The following TMEM87B variants were observed in gnomAD, a reference collection of about 807,000 sequenced individuals.
The protein encoded by TMEM87B is transmembrane protein 87B.
A neutral mutation model predicts 80.3 loss-of-function variants in TMEM87B; 83 were observed. That is an observed-to-expected ratio of 1.03 (90% CI 0.87 to 1.24). TMEM87B has a LOEUF of 1.24. TMEM87B is among the 50% of genes most tolerant of loss of function. The pLI is 0.00. For synonymous variants in TMEM87B, 219 were observed against 230.5 expected (o/e 0.95, Z 0.45); for missense variants, 625 against 674.4 (o/e 0.93, Z 0.81).
In TMEM87B at chr2:112,097,034, C is replaced by CT. The variant is rs1291833789; in HGVS notation, c.1105-4dup. 32 of 1,525,470 alleles carry CT rather than the reference C, an allele frequency of 2.1e-5. No homozygotes were observed. Among genetic ancestry groups the CT allele is most frequent in the Non-Finnish European group, 2.6e-5 (29 of 1,122,246 alleles). The allele number at this position is 1,525,470 out of a possible 1,614,324, so 94.5% of individuals were successfully genotyped here. A position where few individuals can be genotyped will look rare whatever the true frequency, so the allele number is the denominator to read the frequency against. ...TATTACTTGGAATGTTTTTCCTTAA[C>CT]TTTTTTCACATTTTTATTAGTTTGG... On this transcript the variant is annotated splice_polypyrimidine_tract_variant and intron_variant, in intron 11 of 18. Coordinates refer to ENST00000283206, the MANE Select transcript of TMEM87B (RefSeq NM_032824.3).
chr2:112,055,681 C>G lies in TMEM87B; in HGVS notation c.90C>G (p.Leu30=). The change falls in exon 1 of 19, where the codon CTC becomes CTG. Residue 30 remains leucine (L), a synonymous_variant. Coordinates refer to ENST00000283206, the MANE Select transcript of TMEM87B (RefSeq NM_032824.3). The part of the protein sequence containing the change: ...PARAPLLRVA[L]CLLCWTPAAV... ...GGGCCCCGCTGCTGCGCGTCGCCCTCTGCCTCCTGTGCTGGACCCCGGCGG... is the reference window on the plus strand; with the variant it reads ...GGGCCCCGCTGCTGCGCGTCGCCCTGTGCCTCCTGTGCTGGACCCCGGCGG... 1 of 1,586,480 alleles carries G rather than the reference C, an allele frequency of 6.3e-7. No individual in the cohort carries two copies. Among genetic ancestry groups the G allele is most frequent in the Non-Finnish European group, 8.6e-7 (1 of 1,169,404 alleles).
chr2:112,093,313 T>C (rs570446203), intron 11 of TMEM87B, among the ~76,000 whole-genome samples: 1 of 152,352 alleles, frequency 6.6e-6, no homozygotes, highest in East Asian at 1.9e-4. Flanking sequence ...AAATTTGTAA[T>C]TCATTGTCCT....
chr2:112,068,621 G>C (rs937818148), intron 4 of TMEM87B, among the ~76,000 whole-genome samples: 2 of 151,330 alleles, frequency 1.3e-5, no homozygotes, highest in Non-Finnish European at 2.9e-5. Flanking sequence ...GGAGAATGGC[G>C]TGAACTCGGG....
At chr2:112,091,201 T>C (rs1475485449) in intron 10 of TMEM87B, among the ~76,000 whole-genome samples, 4 of 151,462 alleles carry the variant, frequency 2.6e-5, no homozygotes, top group African/African-American at 9.7e-5. Context: ...GATTGCGCCA[T>C]TGCACTCCAG....
At chr2:112,088,384 G>A (rs1558841519) in intron 9 of TMEM87B, among the ~76,000 whole-genome samples, 1 of 152,058 alleles carries the variant, frequency 6.6e-6, no homozygotes, top group Non-Finnish European at 1.5e-5. Context: ...TAGCTTGCTC[G>A]GCTCAACTCA....
intron 8 of TMEM87B, among the ~76,000 whole-genome samples, chr2:112,084,845 A>G (rs1382693082): frequency 6.6e-6 from 1 of 152,244 alleles, no homozygotes; most frequent in Non-Finnish European, 1.5e-5. Context: ...CATTGTAGGT[A>G]GAGCAATCTT....
intron 8 of TMEM87B, among the ~76,000 whole-genome samples, chr2:112,082,907 T>C (rs1353357046): frequency 6.6e-6 from 1 of 152,138 alleles, no homozygotes; most frequent in African/African-American, 2.4e-5. Context: ...CCTCAGGGAA[T>C]CTAAGCTGTC....
rs377455543 is a variant in TMEM87B, at chr2:112,079,083, A to G, written c.592+1801A>G. Among the ~76,000 whole-genome samples, 126 of 152,364 alleles carry G rather than the reference A, an allele frequency of 8.3e-4. 1 individual carries two copies. The highest frequency in any genetic ancestry group is 2.8e-3 in the African/African-American group (118 of 41,590). On this transcript the variant is annotated intron_variant, in intron 6 of 18. Transcript: ENST00000283206. ...GAATAATTAAGTCAAACTAGTTAAC[A>G]TACTCATCACCCCAAATGCTTAACA...
In TMEM87B at chr2:112,067,059, T is replaced by C; in HGVS notation, c.442T>C (p.Ser148Pro). Residue 148 changes from serine to proline, a missense_variant, in exon 4 of 19, where the codon TCT (serine) becomes CCT (proline). Ser to Pro is a moderately conservative substitution (Grantham distance 74). Transcript: ENST00000283206. ...DCNSDSQVFP[S>P]LNNKELINIR... is the part of the protein sequence containing the mutation. Reference sequence around the variant, plus strand: ...CAACAGTGATTCACAGGTGTTTCCCTCTTTGAATGTGAGTATCTGACTTGC... The same window carrying C: ...CAACAGTGATTCACAGGTGTTTCCCCCTTTGAATGTGAGTATCTGACTTGC... 6.2e-7 allele frequency: 1 copy of C among 1,610,494 alleles called. No homozygotes were observed. Among genetic ancestry groups the C allele is most frequent in the South Asian group, 1.1e-5 (1 of 89,872 alleles).
chr2:112,057,827 C>A (rs1273547145), intron 1 of TMEM87B, among the ~76,000 whole-genome samples: 1 of 137,824 alleles, frequency 7.3e-6, no homozygotes, highest in African/African-American at 2.7e-5. Context: ...CTGCCTCAGT[C>A]TTTTTTTTTT....
At position 112,110,075 on chromosome 2, in the gene TMEM87B, T is replaced by C. The variant is rs534028998; in HGVS notation, c.1577+2235T>C. On this transcript the variant is annotated intron_variant, in intron 17 of 18. Transcript: ENST00000283206. ...GCCACTGTACCCGGCTAGCTACTTATTTTTGACATTTTGGTCCAGGTTTTG... is the reference window on the plus strand; with the variant it reads ...GCCACTGTACCCGGCTAGCTACTTACTTTTGACATTTTGGTCCAGGTTTTG... Among the ~76,000 whole-genome samples, 5 of 152,278 alleles carry C rather than the reference T, an allele frequency of 3.3e-5. No homozygotes were observed. The East Asian group carries it at 9.6e-4, about 29-fold the overall frequency.
At chr2:112,063,782 C>T (rs1678330350) in intron 2 of TMEM87B, among the ~76,000 whole-genome samples, 1 of 152,182 alleles carries the variant, frequency 6.6e-6, no homozygotes, top group Non-Finnish European at 1.5e-5. Context: ...AAGTCATAGA[C>T]AGGCATTGTT....
intron 6 of TMEM87B, among the ~76,000 whole-genome samples, chr2:112,078,498 A>T (rs1214985761): frequency 6.6e-6 from 1 of 152,190 alleles, no homozygotes; most frequent in East Asian, 1.9e-4. Context: ...TAAGGCATTA[A>T]TCTATTCATG....
In TMEM87B at chr2:112,076,426, G is replaced by C. The variant is rs561178894; in HGVS notation, c.502-766G>C. Among the ~76,000 whole-genome samples, 134 of 151,996 alleles carry C rather than the reference G, an allele frequency of 8.8e-4. 1 individual carries two copies. The highest frequency in any genetic ancestry group is 3.1e-3 in the African/African-American group (128 of 41,484). ...GTGATCTCAGCTCACTGCAACCTCC[G>C]CCTCCCAAGTTCAAGCGATTCTTCT... On this transcript the variant is annotated intron_variant, in intron 5 of 18. Transcript: ENST00000283206.
chr2:112,058,599 G>A (rs1678154145), intron 1 of TMEM87B, among the ~76,000 whole-genome samples: 1 of 152,130 alleles, frequency 6.6e-6, no homozygotes, highest in South Asian at 2.1e-4. Flanking sequence ...TTTTTAGGTT[G>A]GATTAGACCT....
At chr2:112,108,165 C>T (rs1208762919) in intron 17 of TMEM87B, among the ~76,000 whole-genome samples, 1 of 151,776 alleles carries the variant, frequency 6.6e-6, no homozygotes, top group Non-Finnish European at 1.5e-5. Context: ...TTAAAGGTAA[C>T]CACAGCACCA....
intron 2 of TMEM87B, among the ~76,000 whole-genome samples, chr2:112,063,302 G>T (rs367943252): frequency 1.3e-5 from 2 of 152,214 alleles, no homozygotes; most frequent in Non-Finnish European, 2.9e-5. Context: ...CTGCCATGTC[G>T]TGAGGACGTT....
intron 3 of TMEM87B, among the ~76,000 whole-genome samples, chr2:112,065,662 A>T (rs1388190293): frequency 6.6e-6 from 1 of 151,580 alleles, no homozygotes; most frequent in Non-Finnish European, 1.5e-5. Context: ...AAAAAAAAAA[A>T]AAAAGTTCAC....
chr2:112,105,919 AT>A lies in TMEM87B; in HGVS notation c.1451-77del, dbSNP rs1175990641. 9.1e-6 allele frequency: 9 copies of A among 991,438 alleles called. No individual in the cohort carries two copies. The Admixed American group carries it at 1.1e-4, about 12-fold the overall frequency. 61.4% of individuals were successfully genotyped at this position (991,438 alleles called of 1,614,324 possible). On this transcript the variant is annotated intron_variant, in intron 15 of 18. Transcript: ENST00000283206. Reference sequence around the variant, plus strand: ...CCCTCCATTTCTAAAAAGATATAGTATTTTTTCTTATCAGATTATTAAATTT... The same window carrying A: ...CCCTCCATTTCTAAAAAGATATAGTATTTTTCTTATCAGATTATTAAATTT...
Sources: gnomAD v4.1 joint callset for allele counts (sites outside exome capture counted in the v4.1 genomes callset) on GRCh38, gnomAD v4.1.1 for gene constraint, MANE v1.5 for transcripts, NCBI Gene and HGNC (gene_info 2026-07-23, HGNC 2026-07-21) for gene names.